SDK2: variants seen among roughly 807,000 people sequenced by gnomAD.
SDK2 encodes the protein protein sidekick-2.
In SDK2, 105 loss-of-function variants were observed where a neutral mutation model predicts 253.9. The observed-to-expected ratio is 0.41, with a 90% CI of 0.35 to 0.49. SDK2 has a LOEUF of 0.49. Among genes scored for constraint, SDK2 ranks in the 20% least tolerant of loss-of-function variants. SDK2 has a pLI of 0.06. For missense variants in SDK2, 2,608 were observed against 3,003.0 expected (o/e 0.87, Z 3.07); for synonymous variants, 1,249 against 1,234.9 (o/e 1.01, Z -0.24).
chr17:73,608,993 T>C (rs1296652383), intron 1 of SDK2, among the ~76,000 whole-genome samples: 1 of 152,198 alleles, frequency 6.6e-6, no homozygotes. Flanking sequence ...GATTCTTCTA[T>C]TGGCTTAGAT....
intron 1 of SDK2, among the ~76,000 whole-genome samples, chr17:73,540,078 T>C (rs1247586919): frequency 6.6e-6 from 1 of 151,098 alleles, no homozygotes; most frequent in Non-Finnish European, 1.5e-5. Flanking sequence ...GACGGGGTCA[T>C]GCAGCTGTGA....
rs1254482070 is a variant in SDK2 at position 73,455,470 on chromosome 17, A to G, written c.479+436T>C. Among the ~76,000 whole-genome samples, 2 of 152,060 alleles carry G rather than the reference A, an allele frequency of 1.3e-5. No individual in the cohort carries two copies. The highest frequency in any genetic ancestry group is 4.8e-5 in the African/African-American group (2 of 41,380). On this transcript the variant is annotated intron_variant, in intron 4 of 44. Coordinates refer to ENST00000392650, the MANE Select transcript of SDK2 (RefSeq NM_001144952.2). This position sits in a 1 kb window ranked among gnomAD's most constrained non-coding sequence, Gnocchi z 5.0. The stretch of plus-strand genomic sequence containing the variant: ...CACAGCCAAGACACACACAGCCCTC[A>G]CACACCAGTAAACACCCTGCCAACG...
chr17:73,394,431 C>T (rs2062954417), intron 25 of SDK2, 107 bp from the exon 26 acceptor site: 6 of 588,726 alleles, frequency 1.0e-5, no homozygotes, highest in Non-Finnish European at 1.6e-5. Flanking sequence ...TCGATGTTGC[C>T]TCTCTATGGA....
At chr17:73,621,690 G>T (rs1476275581) in intron 1 of SDK2, among the ~76,000 whole-genome samples, 1 of 151,788 alleles carries the variant, frequency 6.6e-6, no homozygotes, top group Non-Finnish European at 1.5e-5. Context: ...CACTGGATGG[G>T]CTTAACCAAA....
intron 36 of SDK2, among the ~76,000 whole-genome samples, chr17:73,375,346 C>T (rs1599497381): frequency 6.8e-6 from 1 of 147,820 alleles, no homozygotes; most frequent in Non-Finnish European, 1.5e-5. Context: ...GGCTCAGGCA[C>T]TCCTCCCACC....
chr17:73,501,627 C>A (rs1306348915), intron 2 of SDK2, among the ~76,000 whole-genome samples: 1 of 152,222 alleles, frequency 6.6e-6, no homozygotes, highest in African/African-American at 2.4e-5. Context: ...ACAGCTCTTG[C>A]CTAAGAGGAG....
In SDK2 at chr17:73,481,811, T is replaced by C. The variant is rs1433658279; in HGVS notation, c.225-9593A>G. Among the ~76,000 whole-genome samples, 2 of 152,170 alleles carry C rather than the reference T, an allele frequency of 1.3e-5. No homozygotes were observed. Among genetic ancestry groups the C allele is most frequent in the Non-Finnish European group, 2.9e-5 (2 of 68,030 alleles). On this transcript the variant is annotated intron_variant, in intron 2 of 44. Transcript: ENST00000392650. The surrounding 1 kb of genome is among the most constrained non-coding windows in gnomAD (Gnocchi z 4.5). The stretch of plus-strand genomic sequence containing the variant: ...GGTTTCCAGGCCTTTGGGCCCAGAC[T>C]GAATTACGGTACTGGATTTCTTGGG...
Position 73,643,957 on chromosome 17 carries a change from T to TCCCCCCCCCCCCCCCCCCCCCCC in SDK2, c.64+67_64+68insGGGGGGGGGGGGGGGGGGGGGGG. 9.8e-7 allele frequency: 1 copy of TCCCCCCCCCCCCCCCCCCCCCCC among 1,020,000 alleles called. No homozygotes were observed. Among genetic ancestry groups the TCCCCCCCCCCCCCCCCCCCCCCC allele is most frequent in the Non-Finnish European group, 1.5e-6 (1 of 674,884 alleles). 63.2% of individuals were successfully genotyped at this position (1,020,000 alleles called of 1,614,324 possible). A position where few individuals can be genotyped will look rare whatever the true frequency, so the allele number is the denominator to read the frequency against. On this transcript the variant is annotated intron_variant, in intron 1 of 44. Transcript: ENST00000392650. The surrounding 1 kb of genome is among the most constrained non-coding windows in gnomAD (Gnocchi z 6.9). Reference sequence around the variant, plus strand: ...GGAGGTCACCGTGAGGCCGGCCAGCTCCCGCCGCCCCTCCCCCGCCCACTC... The same window carrying TCCCCCCCCCCCCCCCCCCCCCCC: ...GGAGGTCACCGTGAGGCCGGCCAGCTCCCCCCCCCCCCCCCCCCCCCCCCCCGCCGCCCCTCCCCCGCCCACTC...
At chr17:73,451,082 C>T (rs952768160) in intron 4 of SDK2, among the ~76,000 whole-genome samples, 2 of 152,200 alleles carry the variant, frequency 1.3e-5, no homozygotes, top group Middle Eastern at 3.2e-3. Flanking sequence ...GGATGTGCAC[C>T]GTTGCTAAGC....
At chr17:73,398,938 A>AC (rs1038236817) in intron 22 of SDK2, among the ~76,000 whole-genome samples, 6 of 151,640 alleles carry the variant, frequency 4.0e-5, no homozygotes, top group East Asian at 1.9e-4. Flanking sequence ...TTTTCTAGGC[A>AC]CCCCCCGACC....
chr17:73,466,632 C>T (rs2145683304), intron 3 of SDK2, among the ~76,000 whole-genome samples: 1 of 151,692 alleles, frequency 6.6e-6, no homozygotes, highest in South Asian at 2.1e-4. Flanking sequence ...TCTAACCTCT[C>T]AGACCTGTCC....
intron 18 of SDK2, among the ~76,000 whole-genome samples, chr17:73,414,341 C>T (rs560072980): frequency 2.6e-5 from 4 of 152,184 alleles, no homozygotes; most frequent in South Asian, 4.2e-4. Flanking sequence ...AGCCACTGTG[C>T]CCGGCCCCTA....
At chr17:73,353,143 T>G (rs1434261618) in intron 40 of SDK2, among the ~76,000 whole-genome samples, 1 of 152,042 alleles carries the variant, frequency 6.6e-6, no homozygotes, top group African/African-American at 2.4e-5. Flanking sequence ...TATTAAAATA[T>G]CTGTACTACA....
rs1247140500 is a variant in SDK2 at position 73,616,320 on chromosome 17, C to T, written c.64+27705G>A. On this transcript the variant is annotated intron_variant, in intron 1 of 44. Coordinates refer to ENST00000392650, the MANE Select transcript of SDK2 (RefSeq NM_001144952.2). This position sits in a 1 kb window ranked among gnomAD's most constrained non-coding sequence, Gnocchi z 5.2. ...CTAGACAAATTTCCACCCCCGGCTCCCCACCTCAACAGTCTCCCCAGCCCC... is the reference window on the plus strand; with the variant it reads ...CTAGACAAATTTCCACCCCCGGCTCTCCACCTCAACAGTCTCCCCAGCCCC... Among the ~76,000 whole-genome samples the T allele has an allele frequency of 1.3e-5, 2 of 152,072 alleles. No individual in the cohort carries two copies. The highest frequency in any genetic ancestry group is 2.9e-5 in the Non-Finnish European group (2 of 68,030).
chr17:73,452,181 A>G (rs147119401), intron 4 of SDK2, among the ~76,000 whole-genome samples: 22 of 152,266 alleles, frequency 1.4e-4, no homozygotes, highest in African/African-American at 3.4e-4. Flanking sequence ...CTTTGCAACA[A>G]TGAGCACCGG....
At chr17:73,626,803 G>A (rs2046208075) in intron 1 of SDK2, among the ~76,000 whole-genome samples, 1 of 152,070 alleles carries the variant, frequency 6.6e-6, no homozygotes, top group South Asian at 2.1e-4. Context: ...GAGGTTGTCT[G>A]AGCCCCAGGG....
rs953228934 is a variant in SDK2, at chr17:73,465,953, A to G, written c.331+6159T>C. On this transcript the variant is annotated intron_variant, in intron 3 of 44. Transcript: ENST00000392650. This position sits in a 1 kb window ranked among gnomAD's most constrained non-coding sequence, Gnocchi z 4.2. ...CATCTGCGTGTGTGTGTAAGGAGAC[A>G]GACGGATTGGCAGACAGGCAGCTGC... Among the ~76,000 whole-genome samples, 4 of 152,218 alleles carry G rather than the reference A, an allele frequency of 2.6e-5. No homozygotes were observed. The highest frequency in any genetic ancestry group is 5.9e-5 in the Non-Finnish European group (4 of 68,038).
intron 3 of SDK2, among the ~76,000 whole-genome samples, chr17:73,461,306 T>C (rs1417360923): frequency 6.6e-6 from 1 of 152,230 alleles, no homozygotes; most frequent in African/African-American, 2.4e-5. Context: ...GAAGACCTAA[T>C]GCCTGCCCTC....
intron 39 of SDK2, among the ~76,000 whole-genome samples, chr17:73,359,088 G>A (rs1457264169): frequency 1.3e-5 from 2 of 152,106 alleles, no homozygotes; most frequent in Non-Finnish European, 2.9e-5. Flanking sequence ...CACCAAAGGT[G>A]GGGCTCTGTA....
Sources: gnomAD v4.1 joint callset for allele counts (sites outside exome capture counted in the v4.1 genomes callset) on GRCh38, gnomAD v4.1.1 for gene constraint, Gnocchi (gnomAD v3.1) non-coding constraint, MANE v1.5 for transcripts, NCBI Gene and HGNC (gene_info 2026-07-23, HGNC 2026-07-21) for gene names.